Variants in ECE2 observed in about 807,000 individuals in gnomAD.
ECE2 encodes endothelin-converting enzyme 2.
Under a neutral mutation model 100.6 loss-of-function variants are expected in ECE2, and 81 were observed. That is an observed-to-expected ratio of 0.81 (90% CI 0.67 to 0.97). The LOEUF (loss-of-function observed/expected upper bound fraction) is 0.97, where lower values mean the gene tolerates loss of function less well. Among genes scored for constraint, ECE2 ranks in the 50% least tolerant of loss-of-function variants. ECE2 has a pLI of 0.00. For synonymous variants in ECE2, 391 were observed against 391.5 expected, an observed-to-expected ratio of 1.00 and a Z score of 0.02; for missense variants, 911 against 988.1, an observed-to-expected ratio of 0.92 and a Z score of 1.05.
chr3:184,284,019 G>A, intron 8 of ECE2, 46 bp downstream of exon 8: 1 of 1,602,360 alleles, frequency 6.2e-7, no homozygotes, highest in Non-Finnish European at 8.5e-7. Flanking sequence ...GGCCAGCCTT[G>A]GCATGGACCA....
In ECE2 at chr3:184,292,266, T is replaced by C; in HGVS notation, c.*28T>C. The C allele has an allele frequency of 6.2e-7, 1 of 1,611,490 alleles. No individual in the cohort carries two copies. Among genetic ancestry groups the C allele is most frequent in the Non-Finnish European group, 8.5e-7 (1 of 1,178,074 alleles). Reference sequence around the variant, plus strand: ...CTGGATCAGGGGAGAAATGGCCAGCTGTCACCAGACCTGGGGCAGCTCTCC... The same window carrying C: ...CTGGATCAGGGGAGAAATGGCCAGCCGTCACCAGACCTGGGGCAGCTCTCC... On this transcript the variant is annotated 3_prime_UTR_variant, in exon 19 of 19. Coordinates refer to ENST00000404464, the MANE Select transcript of ECE2 (RefSeq NM_001100121.2).
At chr3:184,280,109 A>G (rs550365416) in intron 7 of ECE2, among the ~76,000 whole-genome samples, 35 of 152,272 alleles carry the variant, frequency 2.3e-4, no homozygotes, top group African/African-American at 7.9e-4. Flanking sequence ...CTGAAGCTGT[A>G]CACTTTCATG....
intron 10 of ECE2, among the ~76,000 whole-genome samples, chr3:184,286,468 A>T (rs1480963782): frequency 6.6e-6 from 1 of 152,088 alleles, no homozygotes; most frequent in Non-Finnish European, 1.5e-5. Context: ...GGGGAGCAGC[A>T]GGGAAGCGGG....
Position 184,291,530 on chromosome 3 carries a change from C to T in ECE2, c.2121+91C>T, listed in dbSNP as rs1171429951. On this transcript the variant is annotated intron_variant, in intron 18 of 18. Transcript: ENST00000404464. This position sits in a 1 kb window ranked among gnomAD's most constrained non-coding sequence, Gnocchi z 4.1. The stretch of plus-strand genomic sequence containing the variant: ...GGAGAACTCTGGGGCACGTGTCAAA[C>T]GGGCTGGTGAATGGGGCTGAGGCTG... 1.3e-5 allele frequency: 16 copies of T among 1,234,426 alleles called. No homozygotes were observed. The highest frequency in any genetic ancestry group is 5.3e-5 in the East Asian group (2 of 37,962). The allele number at this position is 1,234,426 out of a possible 1,614,324, so 76.5% of individuals were successfully genotyped here. A position where few individuals can be genotyped will look rare whatever the true frequency, so the allele number is the denominator to read the frequency against.
chr3:184,289,641 G>T lies in ECE2; in HGVS notation c.1474G>T (p.Ala492Ser), dbSNP rs1255899334. 1.1e-5 allele frequency: 18 copies of T among 1,613,652 alleles called. No individual in the cohort carries two copies. Among genetic ancestry groups the T allele is most frequent in the Middle Eastern group, 1.7e-4 (1 of 6,052 alleles). Reference protein sequence around the residue: ...EKTRQAAKEKADAIYDMIGFP... With the variant: ...EKTRQAAKEKSDAIYDMIGFP... ...CAAACCCTTAACCTGGTCTCTTCAG[G>T]CAGATGCCATCTATGATATGATTGG... Residue 492 changes from alanine to serine, a missense_variant and splice_region_variant, in exon 13 of 19, where the codon GCA (alanine) becomes TCA (serine). By Grantham distance (99) the Ala-to-Ser change is moderately conservative. Transcript: ENST00000404464. The surrounding 1 kb of genome is among the most constrained non-coding windows in gnomAD (Gnocchi z 4.1).
chr3:184,278,640 C>T, intron 7 of ECE2, 83 bp downstream of exon 7: 1 of 1,487,254 alleles, frequency 6.7e-7, no homozygotes. Context: ...TGCCAAGGGT[C>T]AGAGCAGGGA....
In ECE2 at chr3:184,278,247, G is replaced by A; in HGVS notation, c.684G>A (p.Arg228=). The A allele has an allele frequency of 3.1e-6, 5 of 1,614,138 alleles. No individual in the cohort carries two copies. Among genetic ancestry groups the A allele is most frequent in the Middle Eastern group, 1.6e-4 (1 of 6,062 alleles). The change falls in exon 6 of 19, where the codon AGG becomes AGA. Residue 228 remains arginine (R), a synonymous_variant. Transcript: ENST00000404464. ...EVLKAVAGTY[R]ATPFFTVYIS... is the part of the protein sequence containing the mutation. ...TGAAGGCAGTAGCAGGGACCTACAG[G>A]GCCACCCCATTCTTCACCGTCTACA...
intron 7 of ECE2, among the ~76,000 whole-genome samples, chr3:184,281,815 T>C (rs905625896): frequency 2.0e-5 from 3 of 152,090 alleles, no homozygotes; most frequent in African/African-American, 7.2e-5. Flanking sequence ...AAACTAAGAG[T>C]AGGCTGGGTG....
chr3:184,276,376 C>T (rs1720548421), intron 1 of ECE2, 105 bp from the exon 2 acceptor site: 2 of 1,458,752 alleles, frequency 1.4e-6, no homozygotes, highest in East Asian at 4.9e-5. Context: ...GAAGGGCCCT[C>T]TTAGCAGGGC....
chr3:184,277,159 A>G, intron 3 of ECE2, 92 bp from the exon 4 acceptor site: 1 of 1,602,306 alleles, frequency 6.2e-7, no homozygotes, highest in South Asian at 1.1e-5. Context: ...TCTCTTCCCA[A>G]CCTTCCTGCT....
At chr3:184,286,594 G>A (rs1310581700) in intron 10 of ECE2, among the ~76,000 whole-genome samples, 3 of 151,928 alleles carry the variant, frequency 2.0e-5, no homozygotes, top group Non-Finnish European at 4.4e-5. Flanking sequence ...CCTGAGGTCA[G>A]GAGTTCAAGA....
chr3:184,278,980 T>C (rs1720698059), intron 7 of ECE2: 1 of 188,908 alleles, frequency 5.3e-6, no homozygotes, highest in Non-Finnish European at 1.1e-5. Context: ...CCAGGTCCTG[T>C]AGAATACATA....
rs1470744421 is a variant in ECE2 at position 184,291,852 on chromosome 3, G to T, written c.2122-210G>T. 1.7e-6 allele frequency: 1 copy of T among 593,858 alleles called. No individual in the cohort carries two copies. The highest frequency in any genetic ancestry group is 2.4e-5 in the South Asian group (1 of 42,078). 36.8% of individuals were successfully genotyped at this position (593,858 alleles called of 1,614,324 possible). On this transcript the variant is annotated intron_variant, in intron 18 of 18. Coordinates refer to ENST00000404464, the MANE Select transcript of ECE2 (RefSeq NM_001100121.2). This position sits in a 1 kb window ranked among gnomAD's most constrained non-coding sequence, Gnocchi z 4.1. ...GAGCAAGGACCCAGGCAGAGCCTCC[G>T]CTGGGCAGCCACAGCAGGCAGCTTC...
In ECE2 at chr3:184,291,340, C is replaced by A; in HGVS notation, c.2026-4C>A. 1 of 1,604,366 alleles carries A rather than the reference C, an allele frequency of 6.2e-7. No homozygotes were observed. ...GGGCTTGTTGCCCACTGTTCTGTCC[C>A]CAGGCTTACAAAGCATGGCTGAGAA... On this transcript the variant is annotated splice_region_variant and splice_polypyrimidine_tract_variant and intron_variant, in intron 17 of 18. Coordinates refer to ENST00000404464, the MANE Select transcript of ECE2 (RefSeq NM_001100121.2). The surrounding 1 kb of genome is among the most constrained non-coding windows in gnomAD (Gnocchi z 4.1).
In ECE2 at chr3:184,292,603, C is replaced by T. The variant is rs1013169528; in HGVS notation, c.*365C>T. On this transcript the variant is annotated 3_prime_UTR_variant, in exon 19 of 19. Coordinates refer to ENST00000404464, the MANE Select transcript of ECE2 (RefSeq NM_001100121.2). ...TGCCTGCCCCACTGTGACCCACAGG[C>T]CTGGGTGGTGTACCTCCTGGACTTC... 41 of 304,244 alleles carry T rather than the reference C, an allele frequency of 1.3e-4. No homozygotes were observed. Among genetic ancestry groups the T allele is most frequent in the Non-Finnish European group, 1.4e-4 (22 of 158,150 alleles). The allele number at this position is 304,244 out of a possible 1,614,324, so 18.8% of individuals were successfully genotyped here. A position where few individuals can be genotyped will look rare whatever the true frequency, so the allele number is the denominator to read the frequency against.
At chr3:184,290,124 T>TA in intron 13 of ECE2, 131 bp from the exon 14 acceptor site, 1 of 713,214 alleles carries the variant, frequency 1.4e-6, no homozygotes, top group Non-Finnish European at 2.4e-6. Context: ...TATTGCCAAT[T>TA]ATGGTTTACT....
At position 184,289,471 on chromosome 3, in the gene ECE2, T is replaced by A. The variant is rs1721210624; in HGVS notation, c.1409T>A (p.Phe470Tyr). 21 of 1,611,324 alleles carry A rather than the reference T, an allele frequency of 1.3e-5. No individual in the cohort carries two copies. The highest frequency in any genetic ancestry group is 1.8e-5 in the Non-Finnish European group (21 of 1,179,016). Residue 470 changes from phenylalanine (F) to tyrosine (Y), a missense_variant, in exon 12 of 19, where the codon TTT becomes TAT. Physicochemically the swap from Phe to Tyr is conservative, Grantham distance 22 (BLOSUM62 3). Transcript: ENST00000404464. The surrounding 1 kb of genome is among the most constrained non-coding windows in gnomAD (Gnocchi z 4.1). ...ATGATCAGCGAAATCCGGACCGCAT[T>A]TGAGGAGGCCCTGGGACAGCTGGTT... ...EGMISEIRTA[F>Y]EEALGQLVWM...
chr3:184,290,198 T>C, intron 13 of ECE2, 57 bp from the exon 14 acceptor site: 1 of 1,427,242 alleles, frequency 7.0e-7, no homozygotes, highest in Non-Finnish European at 9.8e-7. Flanking sequence ...AAACTGGCGC[T>C]ATTATCTTCT....
chr3:184,278,084 A>C, intron 5 of ECE2, 35 bp downstream of exon 5: 1 of 1,613,702 alleles, frequency 6.2e-7, no homozygotes, highest in East Asian at 2.2e-5. Context: ...GCAGGGGAGC[A>C]GGAGAGGCCT....
Sources: gnomAD v4.1 joint callset for allele counts (sites outside exome capture counted in the v4.1 genomes callset) on GRCh38, gnomAD v4.1.1 for gene constraint, Gnocchi (gnomAD v3.1) non-coding constraint, MANE v1.5 for transcripts, NCBI Gene and HGNC (gene_info 2026-07-23, HGNC 2026-07-21) for gene names.